The following CD163 variants were observed in gnomAD, a reference collection of about 807,000 sequenced individuals.
CD163 encodes the protein CD163 molecule, also known as scavenger receptor cysteine-rich type 1 protein M130.
A neutral mutation model predicts 129.2 loss-of-function variants in CD163; 64 were observed. The ratio of observed to expected loss-of-function variants is 0.50; its 90% confidence interval spans 0.41 to 0.61. The LOEUF is 0.61. Among genes scored for constraint, CD163 ranks in the 20% least tolerant of loss-of-function variants. The pLI, the probability that CD163 is intolerant of heterozygous loss-of-function variation, is 0.00. For synonymous variants in CD163, 446 were observed against 478.5 expected (o/e 0.93, Z 0.89); for missense variants, 1,061 against 1,377.9 (o/e 0.77, Z 3.64).
At chr12:7,478,267 A>G (rs1949115204) in intron 16 of CD163, among the ~76,000 whole-genome samples, 1 of 152,126 alleles carries the variant, frequency 6.6e-6, no homozygotes, top group Non-Finnish European at 1.5e-5. Flanking sequence ...TTTTAATAGA[A>G]ACTGCCAGAT....
intron 6 of CD163, among the ~76,000 whole-genome samples, chr12:7,489,688 T>G (rs1245837636): frequency 6.6e-6 from 1 of 152,076 alleles, no homozygotes; most frequent in African/African-American, 2.4e-5. Flanking sequence ...TATAGCTCAC[T>G]GTGTAATTCC....
At position 7,487,104 on chromosome 12, in the gene CD163, G is replaced by C. The variant is rs763064223; in HGVS notation, c.2051-118C>G. On this transcript the variant is annotated intron_variant, in intron 8 of 16. Transcript: ENST00000432237. This position sits in a 1 kb window ranked among gnomAD's most constrained non-coding sequence, Gnocchi z 5.1. ...TTAGAGAGAGAGGGGAAGGTGGATGGTCAACAAGTTTGAAATAAATCAGGT... is the reference window on the plus strand; with the variant it reads ...TTAGAGAGAGAGGGGAAGGTGGATGCTCAACAAGTTTGAAATAAATCAGGT... 2 of 857,728 alleles carry C rather than the reference G, an allele frequency of 2.3e-6. No homozygotes were observed. The highest frequency in any genetic ancestry group is 3.4e-5 in the African/African-American group (2 of 58,630). The allele number at this position is 857,728 out of a possible 1,614,324, so 53.1% of individuals were successfully genotyped here.
Position 7,485,499 on chromosome 12 carries a change from GCTTT to G in CD163, c.2459-87_2459-84del. The G allele has an allele frequency of 9.0e-7, 1 of 1,108,292 alleles. No homozygotes were observed. Among genetic ancestry groups the G allele is most frequent in the Non-Finnish European group, 1.3e-6 (1 of 766,488 alleles). 68.7% of individuals were successfully genotyped at this position (1,108,292 alleles called of 1,614,324 possible). Reference sequence around the variant, plus strand: ...TTCCCTTTACCTTGATGTAAGAATGGCTTTAAAAATAGGTACAATAGTACAATAT... The same window carrying G: ...TTCCCTTTACCTTGATGTAAGAATGGAAAAATAGGTACAATAGTACAATAT... On this transcript the variant is annotated intron_variant, in intron 10 of 16. Transcript: ENST00000432237. This position sits in a 1 kb window ranked among gnomAD's most constrained non-coding sequence, Gnocchi z 4.5.
In CD163 at chr12:7,495,103, T is replaced by C. The variant is rs1292509349; in HGVS notation, c.1398A>G (p.Glu466=). The C allele has an allele frequency of 6.2e-7, 1 of 1,614,118 alleles. No individual in the cohort carries two copies. The highest frequency in any genetic ancestry group is 1.1e-5 in the South Asian group (1 of 91,088). Residue 466 remains glutamate (E), a synonymous_variant, in exon 6 of 17, where the codon GAA becomes GAG. Coordinates refer to ENST00000432237, the MANE Select transcript of CD163 (RefSeq NM_203416.4). The stretch of plus-strand genomic sequence containing the variant: ...TACCTGAGCAGGTAATTTTGGCTTC[T>C]TCATAGTGATCACAGGTAAGTCCAC... ...QWGGLTCDHY[E]EAKITCSAHR... is the part of the protein sequence containing the mutation.
intron 16 of CD163, among the ~76,000 whole-genome samples, chr12:7,471,644 T>C (rs564747579): frequency 1.5e-4 from 22 of 144,890 alleles, no homozygotes; most frequent in Non-Finnish European, 3.1e-4. Context: ...ACAGCTCCAG[T>C]CTGCAGCTCC....
Position 7,499,165 on chromosome 12 carries a change from G to A in CD163, c.481C>T (p.Leu161=), listed in dbSNP as rs767149358. The A allele has an allele frequency of 6.2e-7, 1 of 1,611,456 alleles. No individual in the cohort carries two copies. The highest frequency in any genetic ancestry group is 8.5e-7 in the Non-Finnish European group (1 of 1,179,034). The change falls in exon 4 of 17, where the codon CTG becomes TTG. Residue 161 remains leucine (L), a synonymous_variant. Coordinates refer to ENST00000432237, the MANE Select transcript of CD163 (RefSeq NM_203416.4). ...GAACACATATTCCCTCCACGCGTCA[G>A]CCTCATTTCCAAATTGGATCCATCT... The part of the protein sequence containing the change: ...CSDGSNLEMR[L]TRGGNMCSGR...
chr12:7,498,568 CT>C (rs1445250521), intron 4 of CD163, among the ~76,000 whole-genome samples: 1 of 152,010 alleles, frequency 6.6e-6, no homozygotes, highest in Admixed American at 6.6e-5. Context: ...TCCTTCTTTC[CT>C]TTTTCCCCTC....
In CD163 at chr12:7,486,803, T is replaced by G. The variant is rs773781751; in HGVS notation, c.2154A>C (p.Gln718His). The G allele has an allele frequency of 6.2e-7, 1 of 1,609,430 alleles. No individual in the cohort carries two copies. The highest frequency in any genetic ancestry group is 2.2e-5 in the East Asian group (1 of 44,780). The change falls in exon 10 of 17, where the codon CAA becomes CAC. Residue 718 changes from glutamine (Q) to histidine (H), a missense_variant. Coordinates refer to ENST00000432237, the MANE Select transcript of CD163 (RefSeq NM_203416.4). ...GACCTCCTCCATTTACCAGGCGAAGTTGACCACTCTCTGCAAAGAGAAATG... is the reference window on the plus strand; with the variant it reads ...GACCTCCTCCATTTACCAGGCGAAGGTGACCACTCTCTGCAAAGAGAAATG... ...ESAVACIESG[Q>H]LRLVNGGGRC... is the part of the protein sequence containing the mutation.
At position 7,488,057 on chromosome 12, in the gene CD163, T is replaced by C; in HGVS notation, c.1451A>G (p.Asp484Gly). ...TTCAACACGTCCAGAACAGGGAATG[T>C]CCCCTCCAACCAGTCTGGGTTCCCT... ...AHREPRLVGG[D>G]IPCSGRVEVK... is the part of the protein sequence containing the mutation. Residue 484 changes from aspartate (D) to glycine (G), a missense_variant, in exon 7 of 17, where the codon GAC becomes GGC. Physicochemically the swap from Asp to Gly is moderately conservative, Grantham distance 94. Transcript: ENST00000432237. 2 of 1,613,694 alleles carry C rather than the reference T, an allele frequency of 1.2e-6. No homozygotes were observed. The highest frequency in any genetic ancestry group is 1.7e-6 in the Non-Finnish European group (2 of 1,179,812).
At position 7,495,276 on chromosome 12, in the gene CD163, C is replaced by T. The variant is rs1015778849; in HGVS notation, c.1225G>A (p.Val409Met). The T allele has an allele frequency of 5.0e-6, 8 of 1,614,124 alleles. No homozygotes were observed. Among genetic ancestry groups the T allele is most frequent in the South Asian group, 2.2e-5 (2 of 91,086 alleles). The change falls in exon 6 of 17, where the codon GTG (valine) becomes ATG (methionine). Residue 409 changes from valine (V) to methionine (M), a missense_variant. Physicochemically the swap from Val to Met is conservative, Grantham distance 21. Coordinates refer to ENST00000432237, the MANE Select transcript of CD163 (RefSeq NM_203416.4). The part of the protein sequence containing the change: ...DRGWGLKEAD[V>M]VCRQLGCGSA... ...CCACATCCCAGCTGCCTGCAAACCA[C>T]ATCAGCTTCTTTCAGTCCCCAGCCT...
At position 7,495,072 on chromosome 12, in the gene CD163, A is replaced by G; in HGVS notation, c.1420+9T>C. The G allele has an allele frequency of 1.2e-6, 2 of 1,607,184 alleles. No homozygotes were observed. Among genetic ancestry groups the G allele is most frequent in the South Asian group, 1.1e-5 (1 of 90,946 alleles). The stretch of plus-strand genomic sequence containing the variant: ...CCCTTCTTCTTAACAAGTTGATTGA[A>G]AGTCATACCTGAGCAGGTAATTTTG... On this transcript the variant is annotated intron_variant, in intron 6 of 16. Transcript: ENST00000432237.
chr12:7,497,990 A>G (rs187927190), intron 4 of CD163, among the ~76,000 whole-genome samples: 68 of 152,314 alleles, frequency 4.5e-4, no homozygotes, highest in African/African-American at 1.6e-3. Flanking sequence ...GCAGAAAGAG[A>G]TAGAACCCAG....
At chr12:7,502,694 A>T (rs1421557181) in intron 1 of CD163, 130 bp from the exon 2 acceptor site, 2 of 672,814 alleles carry the variant, frequency 3.0e-6, no homozygotes, top group Non-Finnish European at 5.4e-6. Context: ...CTAAATTGCA[A>T]GGCAGGCAGA....
Position 7,479,934 on chromosome 12 carries a change from G to A in CD163, c.3344-21C>T, listed in dbSNP as rs748777193. The A allele has an allele frequency of 2.5e-6, 4 of 1,612,576 alleles. No homozygotes were observed. In the South Asian group the frequency reaches 4.4e-5, roughly 18 times the overall value. ...GCCTCCTTTTCCATTCCAGAAATAG[G>A]AAGAAATTTAGACACAGAAATTAGT... On this transcript the variant is annotated intron_variant, in intron 15 of 16. Transcript: ENST00000432237.
chr12:7,495,407 A>G lies in CD163; in HGVS notation c.1100-6T>C. The G allele has an allele frequency of 1.2e-6, 2 of 1,611,360 alleles. No homozygotes were observed. Among genetic ancestry groups the G allele is most frequent in the Non-Finnish European group, 1.7e-6 (2 of 1,177,668 alleles). ...TAGCTCCAGATCTGATCCATCTGCA[A>G]AAGAAACATAAACTTAAACCATCGA... On this transcript the variant is annotated splice_region_variant and splice_polypyrimidine_tract_variant and intron_variant, in intron 5 of 16. Coordinates refer to ENST00000432237, the MANE Select transcript of CD163 (RefSeq NM_203416.4).
At position 7,487,380 on chromosome 12, in the gene CD163, C is replaced by T. The variant is rs1565402575; in HGVS notation, c.2029G>A (p.Val677Met). Reference sequence around the variant, plus strand: ...TTACCTGAGCAGATTACAGAGGCCACTTGCTCTGAAGGACATAATGAAGCA... The same window carrying T: ...TTACCTGAGCAGATTACAGAGGCCATTTGCTCTGAAGGACATAATGAAGCA... ...LGASLCPSEQ[V>M]ASVICSGNQS... Residue 677 changes from valine (V) to methionine (M), a missense_variant, in exon 8 of 17, where the codon GTG becomes ATG. Val to Met is a conservative substitution (Grantham distance 21, BLOSUM62 1). Coordinates refer to ENST00000432237, the MANE Select transcript of CD163 (RefSeq NM_203416.4). The surrounding 1 kb of genome is among the most constrained non-coding windows in gnomAD (Gnocchi z 5.1). 3.8e-6 allele frequency: 6 copies of T among 1,595,094 alleles called. No individual in the cohort carries two copies. The highest frequency in any genetic ancestry group is 8.5e-7 in the Non-Finnish European group (1 of 1,170,572).
At chr12:7,481,115 A>C (rs1179684629) in intron 15 of CD163, 46 bp downstream of exon 15, 1 of 1,592,902 alleles carries the variant, frequency 6.3e-7, no homozygotes, top group Admixed American at 1.7e-5. Context: ...AACTGCAGCC[A>C]CTGATCTGAA....
At chr12:7,486,424 G>T in intron 10 of CD163, 75 bp downstream of exon 10, 1 of 1,381,620 alleles carries the variant, frequency 7.2e-7, no homozygotes, top group Non-Finnish European at 1.0e-6. Context: ...AAATCTTTAA[G>T]ATTAATACCC....
At chr12:7,484,947 AT>A in intron 11 of CD163, 148 bp downstream of exon 11, 1 of 699,512 alleles carries the variant, frequency 1.4e-6, no homozygotes, top group Non-Finnish European at 2.4e-6. Flanking sequence ...GGTAGAATAG[AT>A]ATTACCCACA....
Sources: allele counts gnomAD v4.1 joint callset (sites outside exome capture counted in the v4.1 genomes callset), GRCh38; gene constraint gnomAD v4.1.1; non-coding constraint Gnocchi (gnomAD v3.1); transcripts MANE v1.5; gene names NCBI Gene and HGNC (gene_info 2026-07-23, HGNC 2026-07-21).